Variants in MYO9B observed in about 807,000 individuals in gnomAD.
MYO9B encodes unconventional myosin-IXb.
MYO9B carries 71 observed loss-of-function variants against 229.5 expected under a neutral mutation model. The observed-to-expected ratio is 0.31, with a 90% CI of 0.26 to 0.38. The LOEUF (loss-of-function observed/expected upper bound fraction) is 0.38, where lower values mean the gene tolerates loss of function less well. Ranked by LOEUF, MYO9B falls within the 10% of genes least tolerant of loss-of-function variation. The probability of loss-of-function intolerance (pLI) is 1.00; values close to 1 mark genes in which losing one functional copy is unlikely to be tolerated. For synonymous variants in MYO9B, 1,185 were observed against 1,235.8 expected (o/e 0.96, Z 0.86); for missense variants, 2,255 against 2,920.5 (o/e 0.77, Z 5.25).
chr19:17,107,837 C>T (rs150797428), intron 2 of MYO9B, among the ~76,000 whole-genome samples: 4 of 152,200 alleles, frequency 2.6e-5, no homozygotes, highest in African/African-American at 7.2e-5. Flanking sequence ...ATTGCATTTG[C>T]AAAGACCCTA....
rs548911400 is a variant in MYO9B, at chr19:17,089,292, A to G, written c.-58-12368A>G. ...CTTCTAAAAAAAAAAAAAATCCTCA[A>G]CAGGATCAGGGAAATGTACACAAAA... On this transcript the variant is annotated intron_variant, in intron 1 of 39. Coordinates refer to ENST00000682292, the MANE Select transcript of MYO9B (RefSeq NM_004145.4). Among the ~76,000 whole-genome samples the G allele has an allele frequency of 5.3e-5, 8 of 152,182 alleles. No individual in the cohort carries two copies. The East Asian group carries it at 5.8e-4, about 11-fold the overall frequency.
intron 2 of MYO9B, among the ~76,000 whole-genome samples, chr19:17,127,428 G>A (rs2072136672): frequency 6.6e-6 from 1 of 151,106 alleles, no homozygotes; most frequent in Admixed American, 6.6e-5. Context: ...CCAGGTTCAA[G>A]CGATTCTCCT....
At chr19:17,203,037 C>A in intron 29 of MYO9B, 110 bp from the exon 30 acceptor site, 1 of 1,359,208 alleles carries the variant, frequency 7.4e-7, no homozygotes. Context: ...ATATACGGAG[C>A]CGTAGTCTTG....
At chr19:17,163,816 C>T (rs930481908) in intron 10 of MYO9B, among the ~76,000 whole-genome samples, 1 of 152,206 alleles carries the variant, frequency 6.6e-6, no homozygotes, top group African/African-American at 2.4e-5. Context: ...AATTTCCTTC[C>T]TTTTCAAGGC....
In MYO9B at chr19:17,142,166, T is replaced by TA. The variant is rs374143995; in HGVS notation, c.841-3218dup. ...TGGGCGACAGCAAGACCCTGCCTTT[T>TA]AAAAAAAAAAAAAGAAAGAAAAAAG... On this transcript the variant is annotated intron_variant, in intron 2 of 39. Coordinates refer to ENST00000682292, the MANE Select transcript of MYO9B (RefSeq NM_004145.4). Among the ~76,000 whole-genome samples the TA allele has an allele frequency of 6.7e-4, 97 of 144,914 alleles. No homozygotes were observed. In the Middle Eastern group the frequency reaches 0.011, roughly 16 times the overall value.
intron 7 of MYO9B, 83 bp downstream of exon 7, chr19:17,157,121 C>G (rs181538502): frequency 6.7e-7 from 1 of 1,487,176 alleles, no homozygotes; most frequent in Non-Finnish European, 9.0e-7. Context: ...ATACCCAGAA[C>G]TTCCTACGTC....
rs148914906 is a variant in MYO9B, at chr19:17,200,845, G to A, written c.4563+16G>A. The A allele has an allele frequency of 4.3e-6, 7 of 1,611,348 alleles. No individual in the cohort carries two copies. Among genetic ancestry groups the A allele is most frequent in the East Asian group, 2.2e-5 (1 of 44,840 alleles). On this transcript the variant is annotated intron_variant, in intron 26 of 39. Transcript: ENST00000682292. ...GCTCAACAAGGTGGGATCACTAGGC[G>A]AGGGCCAGGGGCATGAGGCCCGGTC...
chr19:17,200,539 A>G, intron 25 of MYO9B, 100 bp from the exon 26 acceptor site: 1 of 1,508,766 alleles, frequency 6.6e-7, no homozygotes, highest in Non-Finnish European at 8.9e-7. Flanking sequence ...CTAGGCACAG[A>G]GCCAGGGGTT....
chr19:17,205,553 T>A lies in MYO9B; in HGVS notation c.5064+217T>A, dbSNP rs566166798. Reference sequence around the variant, plus strand: ...CCCAGGCCTGTGTGTGTGTCTCAGCTCCCCCAGCCCTGCTCATCCTTGCTC... The same window carrying A: ...CCCAGGCCTGTGTGTGTGTCTCAGCACCCCCAGCCCTGCTCATCCTTGCTC... On this transcript the variant is annotated intron_variant, in intron 31 of 39. Coordinates refer to ENST00000682292, the MANE Select transcript of MYO9B (RefSeq NM_004145.4). Among the ~76,000 whole-genome samples, 7 of 152,038 alleles carry A rather than the reference T, an allele frequency of 4.6e-5. No homozygotes were observed. The South Asian group carries it at 1.5e-3, about 32-fold the overall frequency.
In MYO9B at chr19:17,181,045, G is replaced by T. The variant is rs777122168; in HGVS notation, c.2333+5G>T. 3 of 1,595,882 alleles carry T rather than the reference G, an allele frequency of 1.9e-6. No individual in the cohort carries two copies. The highest frequency in any genetic ancestry group is 2.6e-6 in the Non-Finnish European group (3 of 1,167,254). ...GAAACCCCGCGCCTTCATCCTGTGA[G>T]TCCCCCACCAAGGCCCTGCTTACAA... On this transcript the variant is annotated splice_donor_5th_base_variant and intron_variant, in intron 15 of 39. Coordinates refer to ENST00000682292, the MANE Select transcript of MYO9B (RefSeq NM_004145.4).
At position 17,195,570 on chromosome 19, in the gene MYO9B, C is replaced by T; in HGVS notation, c.4046+97C>T. 1 of 1,432,726 alleles carries T rather than the reference C, an allele frequency of 7.0e-7. No individual in the cohort carries two copies. The highest frequency in any genetic ancestry group is 9.4e-7 in the Non-Finnish European group (1 of 1,061,800). The allele number at this position is 1,432,726 out of a possible 1,614,324, so 88.8% of individuals were successfully genotyped here. A position where few individuals can be genotyped will look rare whatever the true frequency, so the allele number is the denominator to read the frequency against. On this transcript the variant is annotated intron_variant, in intron 22 of 39. Coordinates refer to ENST00000682292, the MANE Select transcript of MYO9B (RefSeq NM_004145.4). The surrounding 1 kb of genome is among the most constrained non-coding windows in gnomAD (Gnocchi z 4.5). The stretch of plus-strand genomic sequence containing the variant: ...CACATCCTGGAAACACATGTGTAAT[C>T]ATGCCCAGTGGGTGTGCGGGAGGCC...
At position 17,202,896 on chromosome 19, in the gene MYO9B, C is replaced by A; in HGVS notation, c.4878+13C>A. 6.3e-7 allele frequency: 1 copy of A among 1,598,486 alleles called. No homozygotes were observed. The highest frequency in any genetic ancestry group is 2.3e-5 in the East Asian group (1 of 44,042). On this transcript the variant is annotated intron_variant, in intron 29 of 39. Coordinates refer to ENST00000682292, the MANE Select transcript of MYO9B (RefSeq NM_004145.4). ...GCAGGAGCGTGCTGTGAGTAGGCTG[C>A]ACATAGATGAGAGTCCGAGCAGGCG...
chr19:17,136,809 A>C (rs2072275740), intron 2 of MYO9B, among the ~76,000 whole-genome samples: 1 of 152,176 alleles, frequency 6.6e-6, no homozygotes, highest in Non-Finnish European at 1.5e-5. Context: ...TCAACAGGTC[A>C]GACCGGGCCC....
chr19:17,205,150 C>G, intron 30 of MYO9B, 113 bp from the exon 31 acceptor site: 1 of 502,758 alleles, frequency 2.0e-6, no homozygotes. Flanking sequence ...GACTCCATCT[C>G]AAAAAAAAAA....
rs1463089041 is a variant in MYO9B at position 17,090,105 on chromosome 19, C to T, written c.-58-11555C>T. On this transcript the variant is annotated intron_variant, in intron 1 of 39. Transcript: ENST00000682292. ...GTTTCATCCACGTTATAGCATGAAT[C>T]GGTGCTTCCTTCCTTTTTTTTTTTT... 7.9e-5 allele frequency among the ~76,000 whole-genome samples: 9 copies of T among 113,590 alleles called. No homozygotes were observed. In the East Asian group the frequency reaches 1.8e-3, roughly 23 times the overall value. The allele number at this position is 113,590 out of a possible 152,430, so 74.5% of individuals were successfully genotyped here. A position where few individuals can be genotyped will look rare whatever the true frequency, so the allele number is the denominator to read the frequency against.
intron 9 of MYO9B, 105 bp downstream of exon 9, chr19:17,162,571 C>A: frequency 4.2e-6 from 4 of 959,414 alleles, no homozygotes; most frequent in Non-Finnish European, 6.3e-6. Flanking sequence ...GAGGCATCTG[C>A]AATCAAGAGG....
chr19:17,124,317 A>G (rs2057993732), intron 2 of MYO9B, among the ~76,000 whole-genome samples: 1 of 152,160 alleles, frequency 6.6e-6, no homozygotes, highest in Non-Finnish European at 1.5e-5. Context: ...ACATAGCAAG[A>G]CCCCATCTCT....
chr19:17,202,800 C>A (rs753419477), intron 28 of MYO9B, 42 bp from the exon 29 acceptor site: 1 of 1,558,268 alleles, frequency 6.4e-7, no homozygotes, highest in South Asian at 1.2e-5. Flanking sequence ...GGGGCTCTTC[C>A]CAGGGGGGCC....
chr19:17,212,250 G>A lies in MYO9B; in HGVS notation c.6414G>A (p.Arg2138=). The A allele has an allele frequency of 6.3e-7, 1 of 1,576,094 alleles. No individual in the cohort carries two copies. The highest frequency in any genetic ancestry group is 1.9e-5 in the Admixed American group (1 of 53,338). ...EEDGQPPGAK[R]RYSDPPTYCL... Reference sequence around the variant, plus strand: ...ATGGCCAGCCACCTGGGGCCAAGCGGAGGTACTCGGATCCCCCAACGTACT... The same window carrying A: ...ATGGCCAGCCACCTGGGGCCAAGCGAAGGTACTCGGATCCCCCAACGTACT... The change falls in exon 40 of 40, where the codon CGG becomes CGA. Residue 2138 remains arginine, a synonymous_variant. Transcript: ENST00000682292. The surrounding 1 kb of genome is among the most constrained non-coding windows in gnomAD (Gnocchi z 5.4).
Sources: allele counts gnomAD v4.1 joint callset (sites outside exome capture counted in the v4.1 genomes callset), GRCh38; gene constraint gnomAD v4.1.1; non-coding constraint Gnocchi (gnomAD v3.1); transcripts MANE v1.5; gene names NCBI Gene and HGNC (gene_info 2026-07-23, HGNC 2026-07-21).